SPA17: variants seen among roughly 807,000 people sequenced by gnomAD.
SPA17 encodes sperm surface protein Sp17.
SPA17 carries 7 observed loss-of-function variants against 13.8 expected under a neutral mutation model. The observed-to-expected ratio is 0.51, with a 90% confidence interval of 0.29 to 0.95. The LOEUF is 0.95. SPA17 is among the 40% of genes least tolerant of loss of function. The pLI, the probability that SPA17 is intolerant of heterozygous loss-of-function variation, is 0.08. For synonymous variants in SPA17, 61 were observed against 59.0 expected (o/e 1.03, Z -0.16); for missense variants, 170 against 179.3 (o/e 0.95, Z 0.30).
At chr11:124,687,715 G>T (rs1026498550) in intron 3 of SPA17, among the ~76,000 whole-genome samples, 1 of 152,040 alleles carries the variant, frequency 6.6e-6, no homozygotes, top group African/African-American at 2.4e-5. Flanking sequence ...TGCAGAAAAA[G>T]CATTTGATAA....
intron 3 of SPA17, among the ~76,000 whole-genome samples, chr11:124,683,674 G>T (rs1245717290): frequency 6.6e-6 from 1 of 151,826 alleles, no homozygotes; most frequent in Non-Finnish European, 1.5e-5. Flanking sequence ...AGCAGAAGTA[G>T]CTATAGTTAC....
chr11:124,681,336 T>C (rs867599579), intron 2 of SPA17, 53 bp from the exon 3 acceptor site: 2 of 1,421,246 alleles, frequency 1.4e-6, no homozygotes, highest in Middle Eastern at 1.8e-4. Context: ...CTATTCTACA[T>C]TTACCTTAAT....
intron 3 of SPA17, among the ~76,000 whole-genome samples, chr11:124,690,076 T>TA (rs1206136239): frequency 6.6e-6 from 1 of 152,168 alleles, no homozygotes; most frequent in Non-Finnish European, 1.5e-5. Flanking sequence ...TAACTAAAAA[T>TA]AGAATGACCA....
At chr11:124,693,418 T>C (rs1235335170) in intron 4 of SPA17, among the ~76,000 whole-genome samples, 1 of 151,968 alleles carries the variant, frequency 6.6e-6, no homozygotes, top group Non-Finnish European at 1.5e-5. Context: ...CCAAGATATA[T>C]CGTTACATGG....
intron 3 of SPA17, among the ~76,000 whole-genome samples, chr11:124,688,783 T>C (rs1039883682): frequency 6.6e-6 from 1 of 152,196 alleles, no homozygotes; most frequent in Non-Finnish European, 1.5e-5. Flanking sequence ...AAAGCAATCC[T>C]TAACAGGAAG....
intron 4 of SPA17, among the ~76,000 whole-genome samples, chr11:124,693,098 A>T (rs1943638732): frequency 6.6e-6 from 1 of 152,208 alleles, no homozygotes; most frequent in Admixed American, 6.5e-5. Context: ...TACATCTTTC[A>T]TAGGTGCTTT....
At chr11:124,693,847 A>G (rs1363556966) in intron 4 of SPA17, among the ~76,000 whole-genome samples, 1 of 152,184 alleles carries the variant, frequency 6.6e-6, no homozygotes, top group Non-Finnish European at 1.5e-5. Flanking sequence ...TTGGCACCTC[A>G]CTTTAAATGT....
chr11:124,687,106 C>T (rs1303889794), intron 3 of SPA17, among the ~76,000 whole-genome samples: 4 of 152,048 alleles, frequency 2.6e-5, no homozygotes, highest in Non-Finnish European at 4.4e-5. Flanking sequence ...GAAGACGTTA[C>T]AACTGATAGC....
chr11:124,684,381 C>G (rs2134413220), intron 3 of SPA17, among the ~76,000 whole-genome samples: 1 of 152,232 alleles, frequency 6.6e-6, no homozygotes, highest in East Asian at 1.9e-4. Context: ...CCTGCCTCAG[C>G]CTCCCGAGTA....
chr11:124,683,160 A>G (rs1273714597), intron 3 of SPA17, among the ~76,000 whole-genome samples: 1 of 152,246 alleles, frequency 6.6e-6, no homozygotes, highest in Non-Finnish European at 1.5e-5. Context: ...AAAGAGAAAT[A>G]AAGTATTTCC....
chr11:124,676,554 A>G (rs1943466368), intron 2 of SPA17, among the ~76,000 whole-genome samples: 1 of 152,228 alleles, frequency 6.6e-6, no homozygotes, highest in Non-Finnish European at 1.5e-5. Context: ...GCCCTGCCCT[A>G]GCAGAGCTCA....
In SPA17 at chr11:124,691,735, G is replaced by C; in HGVS notation, c.265G>C (p.Glu89Gln). 5 of 1,612,472 alleles carry C rather than the reference G, an allele frequency of 3.1e-6. No homozygotes were observed. The highest frequency in any genetic ancestry group is 4.2e-6 in the Non-Finnish European group (5 of 1,179,376). Reference sequence around the variant, plus strand: ...TGAGAAAAGTGATCCTAAACAAGAAGAGTCTCAGATATCTGGGAAGGAGGA... The same window carrying C: ...TGAGAAAAGTGATCCTAAACAAGAACAGTCTCAGATATCTGGGAAGGAGGA... ...PPEKSDPKQE[E>Q]SQISGKEEET... Residue 89 changes from glutamate to glutamine, a missense_variant, in exon 4 of 5, where the codon GAG becomes CAG. By Grantham distance (29) the Glu-to-Gln change is conservative (BLOSUM62 2). Coordinates refer to ENST00000227135, the MANE Select transcript of SPA17 (RefSeq NM_017425.4).
chr11:124,683,510 C>T (rs1318739582), intron 3 of SPA17, among the ~76,000 whole-genome samples: 1 of 149,410 alleles, frequency 6.7e-6, no homozygotes, highest in Non-Finnish European at 1.5e-5. Flanking sequence ...AACATAAAAG[C>T]TATAGACTGG....
chr11:124,686,577 A>G (rs1943580955), intron 3 of SPA17, among the ~76,000 whole-genome samples: 1 of 152,264 alleles, frequency 6.6e-6, no homozygotes, highest in Non-Finnish European at 1.5e-5. Context: ...TTAAAAAGTC[A>G]AAATAATATC....
intron 2 of SPA17, among the ~76,000 whole-genome samples, chr11:124,677,408 A>G (rs1015700800): frequency 2.0e-5 from 3 of 152,222 alleles, no homozygotes; most frequent in Admixed American, 2.0e-4. Flanking sequence ...TCACTAGGAA[A>G]AAGGTGGACT....
At chr11:124,686,714 T>G (rs1943581773) in intron 3 of SPA17, among the ~76,000 whole-genome samples, 1 of 143,454 alleles carries the variant, frequency 7.0e-6, no homozygotes, top group African/African-American at 3.0e-5. Flanking sequence ...AAAAAGAACT[T>G]AAGACAGAAA....
intron 4 of SPA17, among the ~76,000 whole-genome samples, chr11:124,692,876 G>T (rs1943636200): frequency 1.3e-5 from 2 of 152,146 alleles, no homozygotes; most frequent in African/African-American, 2.4e-5. Flanking sequence ...CAGGTCCCAG[G>T]TAGTTGCCCA....
Position 124,695,473 on chromosome 11 carries a change from C to A in SPA17, c.*1027C>A, listed in dbSNP as rs559386843. 1.3e-5 allele frequency: 2 copies of A among 152,124 alleles called. No individual in the cohort carries two copies. Among genetic ancestry groups the A allele is most frequent in the Non-Finnish European group, 2.9e-5 (2 of 68,018 alleles). The allele number at this position is 152,124 out of a possible 1,614,324, so 9.4% of individuals were successfully genotyped here. A position where few individuals can be genotyped will look rare whatever the true frequency, so the allele number is the denominator to read the frequency against. On this transcript the variant is annotated 3_prime_UTR_variant, in exon 5 of 5. Transcript: ENST00000227135. ...CAATGATTCATTCAAATCCCTAGTG[C>A]CTTAGTTTTAGAAAGTTCCGTCTCT...
Position 124,691,684 on chromosome 11 carries a change from C to A in SPA17, c.226-12C>A. On this transcript the variant is annotated splice_polypyrimidine_tract_variant and intron_variant, in intron 3 of 4. Transcript: ENST00000227135. ...AAACATTGCTAATTGTGGCTCTCTC[C>A]TATCTGTCCAGGAGCAAGAACCACC... 6.3e-7 allele frequency: 1 copy of A among 1,587,908 alleles called. No homozygotes were observed. Among genetic ancestry groups the A allele is most frequent in the Non-Finnish European group, 8.6e-7 (1 of 1,167,200 alleles).
Sources: gnomAD v4.1 joint callset for allele counts (sites outside exome capture counted in the v4.1 genomes callset) on GRCh38, gnomAD v4.1.1 for gene constraint, MANE v1.5 for transcripts, NCBI Gene and HGNC (gene_info 2026-07-23, HGNC 2026-07-21) for gene names.